Variants in CHODL observed in about 807,000 individuals in gnomAD.
CHODL encodes transmembrane protein MT75.
Under a neutral mutation model 34.5 loss-of-function variants are expected in CHODL, and 29 were observed. The ratio of observed to expected loss-of-function variants is 0.84; its 90% CI spans 0.63 to 1.15. The LOEUF (loss-of-function observed/expected upper bound fraction) is 1.15, where lower values mean the gene tolerates loss of function less well. CHODL is among the 50% of genes most tolerant of loss of function. CHODL has a pLI of 0.00. For synonymous variants in CHODL, 125 were observed against 116.1 expected, an observed-to-expected ratio of 1.08 and a Z score of -0.49; for missense variants, 332 against 332.5, an observed-to-expected ratio of 1.00 and a Z score of 0.01.
intron 1 of CHODL, among the ~76,000 whole-genome samples, chr21:18,023,255 C>A (rs183496053): frequency 4.5e-4 from 68 of 152,202 alleles, no homozygotes; most frequent in African/African-American, 1.6e-3. Context: ...CAAAGAGATT[C>A]CCCAGCTGGA....
chr21:18,248,146 T>G (rs1001085819), intron 1 of CHODL, among the ~76,000 whole-genome samples: 2 of 151,952 alleles, frequency 1.3e-5, no homozygotes, highest in African/African-American at 4.8e-5. Flanking sequence ...CAGTTTAACT[T>G]TATTAAAACT....
intron 1 of CHODL, among the ~76,000 whole-genome samples, chr21:18,012,045 A>G (rs1275754677): frequency 6.6e-6 from 1 of 152,222 alleles, no homozygotes; most frequent in East Asian, 1.9e-4. Context: ...TTTTAATCTG[A>G]CAAGCCCATT....
intron 1 of CHODL, among the ~76,000 whole-genome samples, chr21:17,976,197 G>A (rs902472449): frequency 2.8e-5 from 4 of 141,272 alleles, no homozygotes; most frequent in Non-Finnish European, 6.1e-5. Context: ...CTTGAGCCCA[G>A]GAGGCGGATA....
intron 2 of CHODL, among the ~76,000 whole-genome samples, chr21:18,093,211 C>G (rs1395072899): frequency 6.6e-6 from 1 of 152,098 alleles, no homozygotes; most frequent in Admixed American, 6.6e-5. Flanking sequence ...AGAAAAAACA[C>G]TCTTACCCTA....
upstream of CHODL, among the ~76,000 whole-genome samples, chr21:18,243,667 A>G (rs1315513130): frequency 1.3e-5 from 2 of 152,016 alleles, no homozygotes; most frequent in Non-Finnish European, 2.9e-5. Context: ...GGGACTCCAG[A>G]CGGAGCTAGA....
rs557949017 is a variant in CHODL, at chr21:18,267,098, T to C, written c.*1060T>C. 20 of 152,340 alleles carry C rather than the reference T, an allele frequency of 1.3e-4. No homozygotes were observed. Among genetic ancestry groups the C allele is most frequent in the African/African-American group, 4.8e-4 (20 of 41,576 alleles). 9.4% of individuals were successfully genotyped at this position (152,340 alleles called of 1,614,324 possible). On this transcript the variant is annotated 3_prime_UTR_variant, in exon 6 of 6. Transcript: ENST00000299295. ...CATGTGGTTGAGACCAGGTGAATAG[T>C]CACTATCAGTGTGGAGACAAGCACA...
chr21:18,056,531 CTTCTG>C (rs909374577), intron 2 of CHODL, among the ~76,000 whole-genome samples: 5 of 148,336 alleles, frequency 3.4e-5, no homozygotes, highest in African/African-American at 1.0e-4. Flanking sequence ...AATTCAAAAA[CTTCTG>C]TTCTTCAATT....
At chr21:18,142,453 A>C (rs889250831) in intron 2 of CHODL, among the ~76,000 whole-genome samples, 1 of 152,138 alleles carries the variant, frequency 6.6e-6, no homozygotes, top group Non-Finnish European at 1.5e-5. Flanking sequence ...GTTTTCTACA[A>C]TGTTGGTATT....
intron 2 of CHODL, among the ~76,000 whole-genome samples, chr21:18,208,475 T>C (rs939215133): frequency 1.3e-5 from 2 of 152,136 alleles, no homozygotes; most frequent in Non-Finnish European, 1.5e-5. Flanking sequence ...CTTTTCAGAA[T>C]TGGTCCCTTA....
rs557395213 is a variant in CHODL, at chr21:18,151,283, C to T, written c.-44-105226C>T. Among the ~76,000 whole-genome samples the T allele has an allele frequency of 2.4e-4, 37 of 152,154 alleles. 1 individual carries two copies. In the South Asian group the frequency reaches 6.4e-3, roughly 27 times the overall value. ...AGTATTAGATCATACTCTTTTTATC[C>T]AGTCACGTTTGTACACAGTTGTCCA... On this transcript the variant is annotated intron_variant, in intron 2 of 6. Coordinates refer to the CHODL transcript ENST00000400127.
chr21:18,133,246 C>T (rs2072679219), intron 2 of CHODL, among the ~76,000 whole-genome samples: 1 of 152,050 alleles, frequency 6.6e-6, no homozygotes, highest in African/African-American at 2.4e-5. Context: ...TAACCACTGC[C>T]AATTGTTCGA....
At chr21:17,918,713 C>G (rs1360935113) in intron 1 of CHODL, among the ~76,000 whole-genome samples, 1 of 152,190 alleles carries the variant, frequency 6.6e-6, no homozygotes, top group Non-Finnish European at 1.5e-5. Context: ...GCCTTCCCAA[C>G]AGTCCCCCAA....
intron 2 of CHODL, among the ~76,000 whole-genome samples, chr21:18,232,922 TGGGGTCCAC>T: frequency 7.1e-6 from 1 of 141,578 alleles, no homozygotes; most frequent in South Asian, 2.2e-4. Context: ...CATATAATTA[TGGGGTCCAC>T]ATGATGTTAT....
At chr21:18,251,528 T>TTAATATATAAAATAAA (rs1568957521) in intron 1 of CHODL, among the ~76,000 whole-genome samples, 36 of 3,290 alleles carry the variant, frequency 0.011, 7 homozygotes, top group African/African-American at 0.085. Context: ...AATATTTATT[T>TTAATATATAAAATAAA]TATTTATTAT....
At chr21:18,053,907 C>T (rs1299932692) in intron 2 of CHODL, among the ~76,000 whole-genome samples, 1 of 150,728 alleles carries the variant, frequency 6.6e-6, no homozygotes, top group Non-Finnish European at 1.5e-5. Context: ...TGTGATATGA[C>T]ATATGATATA....
intron 2 of CHODL, among the ~76,000 whole-genome samples, chr21:18,125,896 C>T (rs1346163178): frequency 6.6e-6 from 1 of 152,186 alleles, no homozygotes; most frequent in Non-Finnish European, 1.5e-5. Context: ...AGAGGATTCA[C>T]TCCAATTTTG....
intron 2 of CHODL, among the ~76,000 whole-genome samples, chr21:18,228,991 TG>T (rs2073955496): frequency 6.6e-6 from 1 of 152,172 alleles, no homozygotes; most frequent in Non-Finnish European, 1.5e-5. Flanking sequence ...CTATAAAGTA[TG>T]TCTGGGAGAA....
At position 18,064,359 on chromosome 21, in the gene CHODL, C is replaced by T. The variant is rs552456420; in HGVS notation, c.-45+36388C>T. ...TTTCAGTGCCTTATACTGTGCCCTA[C>T]ACAAACCTATGTACTTAATATTTTT... On this transcript the variant is annotated intron_variant, in intron 2 of 6. Transcript: ENST00000400127. Among the ~76,000 whole-genome samples, 4 of 152,290 alleles carry T rather than the reference C, an allele frequency of 2.6e-5. No individual in the cohort carries two copies. The South Asian group carries it at 6.2e-4, about 24-fold the overall frequency.
intron 1 of CHODL, among the ~76,000 whole-genome samples, chr21:18,024,315 A>G (rs1436168972): frequency 1.3e-5 from 2 of 152,204 alleles, no homozygotes; most frequent in Non-Finnish European, 2.9e-5. Flanking sequence ...TGAATGTTAT[A>G]TCCTGGTATA....
Sources: gnomAD v4.1 joint callset for allele counts (sites outside exome capture counted in the v4.1 genomes callset) on GRCh38, gnomAD v4.1.1 for gene constraint, MANE v1.5 for transcripts, NCBI Gene and HGNC (gene_info 2026-07-23, HGNC 2026-07-21) for gene names.